GSE1: variants seen among roughly 807,000 people sequenced by gnomAD.
GSE1 encodes the protein Gse1 coiled-coil protein, also known as genetic suppressor element 1.
In GSE1, 32 loss-of-function variants were observed where a neutral mutation model predicts 112.6. The ratio of observed to expected loss-of-function variants is 0.28; its 90% CI spans 0.21 to 0.38. The LOEUF (loss-of-function observed/expected upper bound fraction) is 0.38, where lower values mean the gene tolerates loss of function less well. Among genes scored for constraint, GSE1 ranks in the 10% least tolerant of loss-of-function variants. The pLI is 1.00. For synonymous variants in GSE1, 1,115 were observed against 735.6 expected, an observed-to-expected ratio of 1.52 and a Z score of -8.35; for missense variants, 2,348 against 1,699.2, an observed-to-expected ratio of 1.38 and a Z score of -6.71.
intron 2 of GSE1, among the ~76,000 whole-genome samples, chr16:85,544,904 G>T (rs1006073163): frequency 2.0e-5 from 3 of 152,224 alleles, no homozygotes; most frequent in Non-Finnish European, 4.4e-5. Flanking sequence ...ATGTGAGGAG[G>T]CCAGCCGTGC....
intron 2 of GSE1, among the ~76,000 whole-genome samples, chr16:85,448,340 C>G (rs1222070691): frequency 1.3e-5 from 2 of 152,152 alleles, no homozygotes; most frequent in African/African-American, 2.4e-5. Flanking sequence ...TGGAAGACCC[C>G]TGGGGTGCAA....
intron 1 of GSE1, among the ~76,000 whole-genome samples, chr16:85,307,727 G>A (rs564973811): frequency 3.4e-4 from 52 of 152,290 alleles, no homozygotes; most frequent in African/African-American, 5.8e-4. Context: ...CAGCACCTCC[G>A]CACGTCAAGC....
At chr16:85,334,461 G>T (rs2046441030) in intron 1 of GSE1, among the ~76,000 whole-genome samples, 1 of 152,228 alleles carries the variant, frequency 6.6e-6, no homozygotes, top group African/African-American at 2.4e-5. Flanking sequence ...GCCATGATGA[G>T]CTCTCCTCTC....
intron 2 of GSE1, among the ~76,000 whole-genome samples, chr16:85,513,786 C>T (rs1044308065): frequency 3.3e-5 from 5 of 152,150 alleles, no homozygotes; most frequent in African/African-American, 1.2e-4. Flanking sequence ...GCCCCCCACC[C>T]CCGGTGCACA....
At chr16:85,433,407 C>G (rs2049167297) in intron 2 of GSE1, among the ~76,000 whole-genome samples, 1 of 152,138 alleles carries the variant, frequency 6.6e-6, no homozygotes, top group Non-Finnish European at 1.5e-5. Flanking sequence ...CTGCCCTCGG[C>G]CAGCCTTAGA....
At chr16:85,481,121 C>T (rs1182382582) in intron 2 of GSE1, among the ~76,000 whole-genome samples, 3 of 152,238 alleles carry the variant, frequency 2.0e-5, no homozygotes, top group African/African-American at 4.8e-5. Flanking sequence ...AGCCACGCCT[C>T]GCTTCTCTCC....
intron 1 of GSE1, among the ~76,000 whole-genome samples, chr16:85,324,723 A>G (rs1225700703): frequency 6.6e-6 from 1 of 152,080 alleles, no homozygotes; most frequent in Non-Finnish European, 1.5e-5. Flanking sequence ...GGTCTGCGCC[A>G]TCCGTGACAT....
At chr16:85,236,023 C>G (rs376959707) in intron 1 of GSE1, among the ~76,000 whole-genome samples, 3 of 134,322 alleles carry the variant, frequency 2.2e-5, no homozygotes, top group South Asian at 2.3e-4. Flanking sequence ...CCTGGGGCTG[C>G]GGCTGGGGCT....
At chr16:85,330,095 C>T (rs1046410875) in intron 1 of GSE1, among the ~76,000 whole-genome samples, 1 of 152,186 alleles carries the variant, frequency 6.6e-6, no homozygotes, top group Non-Finnish European at 1.5e-5. Context: ...GGGGAATGGG[C>T]AGAGCCACGT....
intron 2 of GSE1, among the ~76,000 whole-genome samples, chr16:85,371,239 A>C (rs1382323755): frequency 6.6e-6 from 1 of 152,164 alleles, no homozygotes; most frequent in South Asian, 2.1e-4. Context: ...GGCAGTGCTC[A>C]TGGACCAGAA....
At chr16:85,448,339 C>T (rs949623959) in intron 2 of GSE1, among the ~76,000 whole-genome samples, 8 of 152,158 alleles carry the variant, frequency 5.3e-5, no homozygotes, top group African/African-American at 1.9e-4. Context: ...GTGGAAGACC[C>T]CTGGGGTGCA....
intron 1 of GSE1, among the ~76,000 whole-genome samples, chr16:85,313,610 G>C (rs1029391303): frequency 6.6e-6 from 1 of 152,206 alleles, no homozygotes; most frequent in Non-Finnish European, 1.5e-5. Context: ...GGGACAGCTG[G>C]AGAGGCCCTA....
chr16:85,581,223 G>A lies in GSE1; in HGVS notation c.37+24860G>A, dbSNP rs2046435348. Among the ~76,000 whole-genome samples the A allele has an allele frequency of 2.0e-5, 3 of 152,234 alleles. No individual in the cohort carries two copies. In the South Asian group the frequency reaches 6.2e-4, roughly 31 times the overall value. On this transcript the variant is annotated intron_variant, in intron 1 of 2. Transcript: ENST00000635906. The stretch of plus-strand genomic sequence containing the variant: ...GGGAGCTTCAGTGGGGAGGGGGCTG[G>A]TGGAGGAAGCCCCAAGAGAGGGGGA...
intron 2 of GSE1, among the ~76,000 whole-genome samples, chr16:85,485,928 C>T (rs895796047): frequency 6.6e-6 from 1 of 152,214 alleles, no homozygotes; most frequent in Non-Finnish European, 1.5e-5. Context: ...CCCTTCACCC[C>T]GGCCCTGAGG....
At chr16:85,345,525 G>A (rs9931650) in intron 1 of GSE1, among the ~76,000 whole-genome samples, 28,540 of 152,092 alleles carry the variant, frequency 0.19, 2,984 homozygotes, top group East Asian at 0.42. Flanking sequence ...TAGTGTCCTC[G>A]TTTCCTTCAG....
chr16:85,640,595 A>G (rs1021790627), intron 2 of GSE1, among the ~76,000 whole-genome samples: 1 of 152,152 alleles, frequency 6.6e-6, no homozygotes, highest in Admixed American at 6.5e-5. Context: ...AGTGGGGACT[A>G]CGTGTGCGGG....
At chr16:85,581,707 G>C (rs892017206) in intron 1 of GSE1, among the ~76,000 whole-genome samples, 1 of 152,178 alleles carries the variant, frequency 6.6e-6, no homozygotes, top group African/African-American at 2.4e-5. Context: ...TCTGTGCTCA[G>C]GGTGAATTGG....
intron 2 of GSE1, among the ~76,000 whole-genome samples, chr16:85,523,311 T>C (rs1239681742): frequency 6.6e-6 from 1 of 152,138 alleles, no homozygotes; most frequent in African/African-American, 2.4e-5. Flanking sequence ...CCTGTGGTTG[T>C]GCGTGCCCTG....
Position 85,648,882 on chromosome 16 carries a change from C to T in GSE1, c.426+131C>T, listed in dbSNP as rs1282849815. 1.5e-4 allele frequency: 78 copies of T among 536,084 alleles called. No homozygotes were observed. The South Asian group carries it at 1.9e-3, about 13-fold the overall frequency. The allele number at this position is 536,084 out of a possible 1,614,324, so 33.2% of individuals were successfully genotyped here. A position where few individuals can be genotyped will look rare whatever the true frequency, so the allele number is the denominator to read the frequency against. On this transcript the variant is annotated intron_variant, in intron 3 of 15. Coordinates refer to ENST00000253458, the MANE Select transcript of GSE1 (RefSeq NM_014615.5). ...CACCCCCTCCCCCACCCTGAGTTTC[C>T]GTCTCCTTCTCTGCAACGTGAGGGT...
Sources: allele counts gnomAD v4.1 joint callset (sites outside exome capture counted in the v4.1 genomes callset), GRCh38; gene constraint gnomAD v4.1.1; transcripts MANE v1.5; gene names NCBI Gene and HGNC (gene_info 2026-07-23, HGNC 2026-07-21).